The following ROBO1 variants were observed in gnomAD, a reference collection of about 807,000 sequenced individuals.
ROBO1 encodes roundabout homolog 1.
ROBO1 carries 149 observed loss-of-function variants against 195.9 expected under a neutral mutation model. That is an observed-to-expected ratio of 0.76 (90% CI 0.67 to 0.87). The LOEUF is 0.87. ROBO1 is among the 40% of genes least tolerant of loss of function. The pLI is 0.00. For synonymous variants in ROBO1, 816 were observed against 733.2 expected (o/e 1.11, Z -1.82); for missense variants, 1,933 against 2,068.3 (o/e 0.93, Z 1.27).
At chr3:79,224,383 G>A (rs1463310831) in intron 2 of ROBO1, among the ~76,000 whole-genome samples, 1 of 152,158 alleles carries the variant, frequency 6.6e-6, no homozygotes, top group Non-Finnish European at 1.5e-5. Context: ...GACATGCCTG[G>A]AGGCACTCAG....
At chr3:79,748,474 G>C (rs891242932) in intron 1 of ROBO1, among the ~76,000 whole-genome samples, 1 of 151,976 alleles carries the variant, frequency 6.6e-6, no homozygotes, top group Admixed American at 6.6e-5. Context: ...TTTAAATTAT[G>C]GTGTTTAAAC....
At chr3:78,644,505 C>G (rs755378736) in intron 21 of ROBO1, among the ~76,000 whole-genome samples, 10 of 152,082 alleles carry the variant, frequency 6.6e-5, no homozygotes, top group Non-Finnish European at 1.3e-4. Context: ...CCGTAACATC[C>G]CAACATCGTT....
chr3:78,670,572 G>A (rs79982327), intron 10 of ROBO1: 4,531 of 375,660 alleles, frequency 0.012, 116 homozygotes, highest in African/African-American at 0.059. Context: ...CGGGAATTAG[G>A]ATTGTGGATG....
At chr3:79,684,231 G>C (rs1361034859) in intron 1 of ROBO1, among the ~76,000 whole-genome samples, 1 of 152,122 alleles carries the variant, frequency 6.6e-6, no homozygotes, top group African/African-American at 2.4e-5. Flanking sequence ...AATGCACATT[G>C]AGCATTGTCA....
chr3:78,658,993 C>G (rs2107655864), intron 17 of ROBO1, among the ~76,000 whole-genome samples: 1 of 152,276 alleles, frequency 6.6e-6, no homozygotes, highest in Non-Finnish European at 1.5e-5. Flanking sequence ...TGAGTTCTGA[C>G]TCTTAGGGGA....
At chr3:78,667,745 A>G (rs1707817303) in intron 14 of ROBO1, 138 bp downstream of exon 14, 1 of 781,560 alleles carries the variant, frequency 1.3e-6, no homozygotes, top group Non-Finnish European at 2.0e-6. Context: ...TATATTAAAA[A>G]TTAATTAAGC....
chr3:78,746,408 T>C (rs1000035444), intron 5 of ROBO1, among the ~76,000 whole-genome samples: 13 of 152,174 alleles, frequency 8.5e-5, no homozygotes, highest in Admixed American at 3.3e-4. Flanking sequence ...ACAGATTTTC[T>C]TTAATAAACA....
At chr3:79,215,482 T>G (rs538789291) in intron 2 of ROBO1, among the ~76,000 whole-genome samples, 1 of 152,210 alleles carries the variant, frequency 6.6e-6, no homozygotes, top group African/African-American at 2.4e-5. Flanking sequence ...ACGATTTATA[T>G]GTAAATACAC....
chr3:79,686,988 CA>C (rs1947136038), intron 1 of ROBO1, among the ~76,000 whole-genome samples: 1 of 152,110 alleles, frequency 6.6e-6, no homozygotes, highest in African/African-American at 2.4e-5. Context: ...CTACAGTAAC[CA>C]AAACAGCATG....
At chr3:79,760,374 A>AAGGTAATCAATTTTAACAAAGCAC in intron 1 of ROBO1, among the ~76,000 whole-genome samples, 1 of 150,744 alleles carries the variant, frequency 6.6e-6, no homozygotes, top group African/African-American at 2.4e-5. Flanking sequence ...AATGTAATAA[A>AAGGTAATCAATTTTAACAAAGCAC]AGGTAATCAA....
intron 3 of ROBO1, among the ~76,000 whole-genome samples, chr3:78,993,862 GT>G (rs550092850): frequency 9.9e-5 from 15 of 151,508 alleles, no homozygotes; most frequent in South Asian, 2.1e-4. Flanking sequence ...AGCCAAAATG[GT>G]TTTTTTTCCC....
intron 2 of ROBO1, among the ~76,000 whole-genome samples, chr3:79,558,135 C>A (rs1319676595): frequency 2.0e-5 from 3 of 151,986 alleles, no homozygotes; most frequent in Non-Finnish European, 4.4e-5. Context: ...CTGGGCAGGT[C>A]CACTCATTTG....
chr3:79,504,907 A>G (rs1270475961), intron 2 of ROBO1, among the ~76,000 whole-genome samples: 1 of 152,118 alleles, frequency 6.6e-6, no homozygotes. Flanking sequence ...TTAGTAGAGC[A>G]TCTGAAGTTC....
intron 10 of ROBO1, among the ~76,000 whole-genome samples, chr3:78,677,506 A>G (rs1335116818): frequency 2.0e-5 from 3 of 152,072 alleles, no homozygotes. Context: ...AAAACAAAAA[A>G]AGGCAGGGGT....
At chr3:78,818,429 C>T (rs1391007352) in intron 4 of ROBO1, among the ~76,000 whole-genome samples, 1 of 152,022 alleles carries the variant, frequency 6.6e-6, no homozygotes, top group African/African-American at 2.4e-5. Context: ...CAATCCTCTA[C>T]TAGACCACAA....
chr3:79,122,144 T>G (rs1252196165), intron 3 of ROBO1, among the ~76,000 whole-genome samples: 1 of 152,030 alleles, frequency 6.6e-6, no homozygotes, highest in Non-Finnish European at 1.5e-5. Context: ...CTCTTTTGGA[T>G]GTATGTTTGA....
At chr3:78,809,835 T>C (rs1433931660) in intron 4 of ROBO1, among the ~76,000 whole-genome samples, 1 of 151,932 alleles carries the variant, frequency 6.6e-6, no homozygotes, top group Non-Finnish European at 1.5e-5. Context: ...CACCGAAGCC[T>C]CTTGAGGGTG....
chr3:79,171,680 G>T (rs899219379), intron 2 of ROBO1, among the ~76,000 whole-genome samples: 2 of 151,906 alleles, frequency 1.3e-5, no homozygotes, highest in Admixed American at 1.3e-4. Context: ...ATCTTTAGTT[G>T]TACACTTTTG....
At chr3:79,337,340 C>T (rs533748070) in intron 2 of ROBO1, among the ~76,000 whole-genome samples, 20 of 152,212 alleles carry the variant, frequency 1.3e-4, no homozygotes, top group African/African-American at 2.2e-4. Context: ...AAGGGTGGGA[C>T]GAAGTGGAGA....
Sources: allele counts gnomAD v4.1 joint callset (sites outside exome capture counted in the v4.1 genomes callset), GRCh38; gene constraint gnomAD v4.1.1; transcripts MANE v1.5; gene names NCBI Gene and HGNC (gene_info 2026-07-23, HGNC 2026-07-21).